Variants in SMC5 observed in about 807,000 individuals in gnomAD.
The protein encoded by SMC5 is structural maintenance of chromosomes protein 5.
Under a neutral mutation model 148.3 loss-of-function variants are expected in SMC5, and 88 were observed. The observed-to-expected ratio is 0.59, with a 90% CI of 0.50 to 0.71. The LOEUF (loss-of-function observed/expected upper bound fraction) is 0.71. Among genes scored for constraint, SMC5 ranks in the 30% least tolerant of loss-of-function variants. SMC5 has a pLI of 0.00. For synonymous variants in SMC5, 421 were observed against 432.8 expected, an observed-to-expected ratio of 0.97 and a Z score of 0.34; for missense variants, 1,142 against 1,298.9, an observed-to-expected ratio of 0.88 and a Z score of 1.86.
chr9:70,317,505 C>T (rs2035833500), intron 13 of SMC5, among the ~76,000 whole-genome samples: 1 of 151,846 alleles, frequency 6.6e-6, no homozygotes, highest in South Asian at 2.1e-4. Context: ...TCAGATTAGT[C>T]GGATTGTAGG....
chr9:70,329,014 G>T (rs2036156098), intron 17 of SMC5, among the ~76,000 whole-genome samples: 1 of 152,196 alleles, frequency 6.6e-6, no homozygotes, highest in Non-Finnish European at 1.5e-5. Flanking sequence ...GCCACACCCG[G>T]AGTGGCTAGG....
At chr9:70,305,387 G>T in intron 11 of SMC5, 27 bp downstream of exon 11, 1 of 1,292,598 alleles carries the variant, frequency 7.7e-7, no homozygotes, top group South Asian at 1.3e-5. Flanking sequence ...ACAACACTTT[G>T]ATTCACTTGA....
rs2036841908 is a variant in SMC5 at position 70,353,188 on chromosome 9, T to A, written c.*857T>A. On this transcript the variant is annotated 3_prime_UTR_variant, in exon 25 of 25. Transcript: ENST00000361138. Reference sequence around the variant, plus strand: ...TTTTAGTAAGATTTTTCTTAAAATTTCATATACTGGTTTCTACAATTTATA... The same window carrying A: ...TTTTAGTAAGATTTTTCTTAAAATTACATATACTGGTTTCTACAATTTATA... 6.6e-6 allele frequency: 1 copy of A among 152,152 alleles called. No individual in the cohort carries two copies. Among genetic ancestry groups the A allele is most frequent in the Non-Finnish European group, 1.5e-5 (1 of 68,032 alleles). 9.4% of individuals were successfully genotyped at this position (152,152 alleles called of 1,614,324 possible).
chr9:70,293,342 C>T (rs555232004), intron 8 of SMC5, among the ~76,000 whole-genome samples: 1 of 150,368 alleles, frequency 6.7e-6, no homozygotes, highest in South Asian at 2.2e-4. Context: ...CTCCCCCACC[C>T]CCCTACTCTT....
In SMC5 at chr9:70,354,778, G is replaced by T. The variant is rs1226147807; in HGVS notation, c.*2447G>T. 2.0e-5 allele frequency: 3 copies of T among 152,226 alleles called. No homozygotes were observed. Among genetic ancestry groups the T allele is most frequent in the East Asian group, 1.9e-4 (1 of 5,186 alleles). 9.4% of individuals were successfully genotyped at this position (152,226 alleles called of 1,614,324 possible). On this transcript the variant is annotated 3_prime_UTR_variant, in exon 25 of 25. Transcript: ENST00000361138. ...GTATAAACCTTTAGATGTGAAAAATGTAATTTCATTCTGCTATTGTGTGTG... is the reference window on the plus strand; with the variant it reads ...GTATAAACCTTTAGATGTGAAAAATTTAATTTCATTCTGCTATTGTGTGTG...
Position 70,305,363 on chromosome 9 carries a change from A to G in SMC5, c.1578+3A>G. Reference sequence around the variant, plus strand: ...ATATGGAGGTTTTCCTCAAAGAGGCAAGTACTAACCAACACAACACTTTGA... The same window carrying G: ...ATATGGAGGTTTTCCTCAAAGAGGCGAGTACTAACCAACACAACACTTTGA... On this transcript the variant is annotated splice_donor_region_variant and intron_variant, in intron 11 of 24. Transcript: ENST00000361138. 4.0e-6 allele frequency: 6 copies of G among 1,516,804 alleles called. No individual in the cohort carries two copies. Among genetic ancestry groups the G allele is most frequent in the Non-Finnish European group, 5.5e-6 (6 of 1,095,816 alleles). 94.0% of individuals were successfully genotyped at this position (1,516,804 alleles called of 1,614,324 possible). A position where few individuals can be genotyped will look rare whatever the true frequency, so the allele number is the denominator to read the frequency against.
chr9:70,347,771 T>A, intron 21 of SMC5, 54 bp downstream of exon 21: 2 of 1,279,272 alleles, frequency 1.6e-6, no homozygotes, highest in East Asian at 4.8e-5. Context: ...GAAATGGGAA[T>A]GTAGAATAAT....
At chr9:70,336,467 A>G (rs1374615642) in intron 17 of SMC5, among the ~76,000 whole-genome samples, 1 of 152,218 alleles carries the variant, frequency 6.6e-6, no homozygotes, top group Admixed American at 6.5e-5. Flanking sequence ...TTCACCAAGA[A>G]CAAAGGAAGG....
chr9:70,325,616 C>CT (rs2036057982), intron 17 of SMC5, among the ~76,000 whole-genome samples: 1 of 152,130 alleles, frequency 6.6e-6, no homozygotes, highest in Non-Finnish European at 1.5e-5. Flanking sequence ...CTGAAGAGAA[C>CT]TAGAGCTACA....
chr9:70,276,978 G>A (rs1452102686), intron 3 of SMC5, among the ~76,000 whole-genome samples: 1 of 152,140 alleles, frequency 6.6e-6, no homozygotes, highest in Non-Finnish European at 1.5e-5. Flanking sequence ...GTCAATGCAT[G>A]TGATTGAAGA....
chr9:70,346,112 G>A (rs1328609573), intron 18 of SMC5, among the ~76,000 whole-genome samples: 1 of 152,110 alleles, frequency 6.6e-6, no homozygotes, highest in African/African-American at 2.4e-5. Flanking sequence ...GAAGGTGGGT[G>A]AAATCCAGAT....
At chr9:70,339,762 G>A (rs939020508) in intron 17 of SMC5, among the ~76,000 whole-genome samples, 1 of 152,148 alleles carries the variant, frequency 6.6e-6, no homozygotes. Context: ...TTTATGAGGG[G>A]ACCGTGGAGT....
chr9:70,347,157 C>G lies in SMC5; in HGVS notation c.2660C>G (p.Pro887Arg). ...GCTTCCTGCTTCACGGGACTGAATC[C>G]TACAGTATGCCTGTTTCTCTATTCC... ...SRASCFTGLN[P>R]TIVQEYTKRE... Residue 887 changes from proline to arginine, a missense_variant, in exon 20 of 25, where the codon CCT becomes CGT. Transcript: ENST00000361138. The G allele has an allele frequency of 1.9e-6, 3 of 1,612,942 alleles. No individual in the cohort carries two copies. Among genetic ancestry groups the G allele is most frequent in the Non-Finnish European group, 2.5e-6 (3 of 1,179,218 alleles).
chr9:70,302,237 A>G (rs1026987411), intron 10 of SMC5, among the ~76,000 whole-genome samples: 1 of 152,120 alleles, frequency 6.6e-6, no homozygotes, highest in Non-Finnish European at 1.5e-5. Flanking sequence ...ACGGTGGCTC[A>G]TGCCTGTAAT....
At chr9:70,263,093 G>GTA (rs1439469627) in intron 1 of SMC5, among the ~76,000 whole-genome samples, 42 of 152,046 alleles carry the variant, frequency 2.8e-4, no homozygotes, top group African/African-American at 9.9e-4. Context: ...CATCGTTTTA[G>GTA]TATAACATTT....
At position 70,350,050 on chromosome 9, in the gene SMC5, T is replaced by C. The variant is rs1335965657; in HGVS notation, c.2890-64T>C. 3 of 1,226,188 alleles carry C rather than the reference T, an allele frequency of 2.4e-6. No homozygotes were observed. In the African/African-American group the frequency reaches 4.6e-5, roughly 19 times the overall value. The allele number at this position is 1,226,188 out of a possible 1,614,324, so 76.0% of individuals were successfully genotyped here. A position where few individuals can be genotyped will look rare whatever the true frequency, so the allele number is the denominator to read the frequency against. On this transcript the variant is annotated intron_variant, in intron 22 of 24. Transcript: ENST00000361138. ...CTTACTCAGTTAATTCAATCCATTTTCAAATAATAGAATGACATTACCAGA... is the reference window on the plus strand; with the variant it reads ...CTTACTCAGTTAATTCAATCCATTTCCAAATAATAGAATGACATTACCAGA...
intron 18 of SMC5, among the ~76,000 whole-genome samples, chr9:70,345,961 C>T (rs1462300549): frequency 1.3e-5 from 2 of 152,068 alleles, no homozygotes; most frequent in Admixed American, 1.3e-4. Flanking sequence ...CTTTTAGTGA[C>T]AGAGCCAGCA....
chr9:70,339,301 C>T (rs1270626484), intron 17 of SMC5, among the ~76,000 whole-genome samples: 6 of 151,874 alleles, frequency 4.0e-5, no homozygotes, highest in East Asian at 1.9e-4. Flanking sequence ...TGGTGGCGGG[C>T]GCCTGTAGTC....
intron 22 of SMC5, among the ~76,000 whole-genome samples, chr9:70,348,447 T>A (rs1215774925): frequency 2.6e-5 from 4 of 152,134 alleles, no homozygotes; most frequent in Admixed American, 2.6e-4. Context: ...ATCTCAGCAC[T>A]TTGTGAGGCT....
Sources: gnomAD v4.1 joint callset for allele counts (sites outside exome capture counted in the v4.1 genomes callset) on GRCh38, gnomAD v4.1.1 for gene constraint, MANE v1.5 for transcripts, NCBI Gene and HGNC (gene_info 2026-07-23, HGNC 2026-07-21) for gene names.